The following VWC2L variants were observed in gnomAD, a reference collection of about 807,000 sequenced individuals.
The protein encoded by VWC2L is von Willebrand factor C domain-containing protein 2-like.
A neutral mutation model predicts 21.6 loss-of-function variants in VWC2L; 10 were observed. That is an observed-to-expected ratio of 0.46 (90% confidence interval 0.29 to 0.78). The LOEUF (loss-of-function observed/expected upper bound fraction) is 0.78. Among genes scored for constraint, VWC2L ranks in the 30% least tolerant of loss-of-function variants. The probability of loss-of-function intolerance (pLI) is 0.10; values close to 1 mark genes in which losing one functional copy is unlikely to be tolerated. For synonymous variants in VWC2L, 96 were observed against 94.3 expected, an observed-to-expected ratio of 1.02 and a Z score of -0.10; for missense variants, 209 against 277.1, an observed-to-expected ratio of 0.75 and a Z score of 1.74.
At chr2:214,546,246 G>T (rs908008648) in intron 3 of VWC2L, among the ~76,000 whole-genome samples, 3 of 152,180 alleles carry the variant, frequency 2.0e-5, no homozygotes, top group African/African-American at 7.2e-5. Context: ...GCAGTGTGAA[G>T]GAATTGCTGC....
chr2:214,557,301 A>G (rs1169863712), intron 3 of VWC2L, among the ~76,000 whole-genome samples: 1 of 152,100 alleles, frequency 6.6e-6, no homozygotes, highest in African/African-American at 2.4e-5. Context: ...TCCCCTTATA[A>G]AAGCCATCAA....
At chr2:214,491,205 T>C (rs575066470) in intron 3 of VWC2L, among the ~76,000 whole-genome samples, 106 of 152,302 alleles carry the variant, frequency 7.0e-4, no homozygotes, top group Non-Finnish European at 1.3e-3. Context: ...AATTAGCCCA[T>C]TGCATGGCAA....
rs551368263 is a variant in VWC2L, at chr2:214,528,247, C to T, written c.521-47425C>T. Among the ~76,000 whole-genome samples the T allele has an allele frequency of 2.6e-5, 4 of 152,302 alleles. No individual in the cohort carries two copies. The South Asian group carries it at 8.3e-4, about 32-fold the overall frequency. ...ACAATAGCCTTAGAACTAGCTGGTTCTCCAGCATTTGAATCCCTGCTATGA... is the reference window on the plus strand; with the variant it reads ...ACAATAGCCTTAGAACTAGCTGGTTTTCCAGCATTTGAATCCCTGCTATGA... On this transcript the variant is annotated intron_variant, in intron 3 of 3. Transcript: ENST00000312504.
intron 3 of VWC2L, among the ~76,000 whole-genome samples, chr2:214,526,329 C>T (rs1689337134): frequency 6.6e-6 from 1 of 152,096 alleles, no homozygotes; most frequent in African/African-American, 2.4e-5. Flanking sequence ...TTTAGAGCTA[C>T]ATCACCATGT....
intron 3 of VWC2L, among the ~76,000 whole-genome samples, chr2:214,442,060 C>T (rs568370882): frequency 1.7e-4 from 26 of 151,766 alleles, no homozygotes; most frequent in Admixed American, 5.2e-4. Context: ...TATAGGTGCC[C>T]GCCACCACAC....
intron 3 of VWC2L, among the ~76,000 whole-genome samples, chr2:214,551,254 T>C (rs1476709858): frequency 6.6e-6 from 1 of 152,198 alleles, no homozygotes; most frequent in East Asian, 1.9e-4. Flanking sequence ...GAAGAAAATA[T>C]AAAGGACATT....
intron 3 of VWC2L, among the ~76,000 whole-genome samples, chr2:214,479,395 G>T (rs889228917): frequency 6.6e-6 from 1 of 151,724 alleles, no homozygotes; most frequent in South Asian, 2.1e-4. Context: ...TTGGACTTTT[G>T]GACTATAAAA....
At chr2:214,442,645 C>A (rs975428003) in intron 3 of VWC2L, among the ~76,000 whole-genome samples, 6 of 151,668 alleles carry the variant, frequency 4.0e-5, no homozygotes, top group African/African-American at 1.5e-4. Context: ...TTTTACAAAT[C>A]TATATTTATA....
intron 3 of VWC2L, among the ~76,000 whole-genome samples, chr2:214,454,405 T>C (rs1484267450): frequency 2.0e-5 from 3 of 151,902 alleles, no homozygotes; most frequent in African/African-American, 7.3e-5. Flanking sequence ...TATTAACAGG[T>C]TTTTCATAGA....
At chr2:214,559,668 G>T (rs1391077188) in intron 3 of VWC2L, among the ~76,000 whole-genome samples, 1 of 151,034 alleles carries the variant, frequency 6.6e-6, no homozygotes, top group Non-Finnish European at 1.5e-5. Context: ...GCAGTGCAGT[G>T]GTGTGATCAC....
chr2:214,478,876 G>A (rs1688562806), intron 3 of VWC2L, among the ~76,000 whole-genome samples: 1 of 152,282 alleles, frequency 6.6e-6, no homozygotes, highest in East Asian at 1.9e-4. Context: ...CCCAGGTAGA[G>A]GCCAGCTACC....
chr2:214,443,299 G>A (rs890908321), intron 3 of VWC2L, among the ~76,000 whole-genome samples: 1 of 152,068 alleles, frequency 6.6e-6, no homozygotes. Flanking sequence ...TTCAACTTGG[G>A]AGGCAGAGGT....
At chr2:214,555,174 C>A (rs1689855854) in intron 3 of VWC2L, among the ~76,000 whole-genome samples, 1 of 152,202 alleles carries the variant, frequency 6.6e-6, no homozygotes, top group Non-Finnish European at 1.5e-5. Flanking sequence ...CTACCAATTG[C>A]CATCAGAAAA....
intron 3 of VWC2L, among the ~76,000 whole-genome samples, chr2:214,483,415 CAA>C (rs938333518): frequency 3.8e-5 from 5 of 133,218 alleles, no homozygotes; most frequent in African/African-American, 2.8e-5. Context: ...CTGGCAAAAG[CAA>C]AAAAAAAAAG....
intron 3 of VWC2L, among the ~76,000 whole-genome samples, chr2:214,481,700 A>G (rs149205801): frequency 6.2e-4 from 95 of 152,306 alleles, no homozygotes; most frequent in South Asian, 1.0e-3. Context: ...TAAATTTTAC[A>G]CAAATTCTAT....
At chr2:214,463,870 G>A (rs1703178560) in intron 3 of VWC2L, among the ~76,000 whole-genome samples, 1 of 151,922 alleles carries the variant, frequency 6.6e-6, no homozygotes, top group South Asian at 2.1e-4. Context: ...TCTCCTGTAT[G>A]TATTTTCAAA....
chr2:214,479,705 T>G (rs1362187785), intron 3 of VWC2L, among the ~76,000 whole-genome samples: 1 of 152,112 alleles, frequency 6.6e-6, no homozygotes, highest in East Asian at 1.9e-4. Context: ...TTCAGGAGGC[T>G]GAGGTAGGAG....
chr2:214,559,982 A>T (rs1300103384), intron 3 of VWC2L, among the ~76,000 whole-genome samples: 1 of 152,228 alleles, frequency 6.6e-6, no homozygotes, highest in Non-Finnish European at 1.5e-5. Context: ...CCAGTGCCTG[A>T]AACAATGGCT....
chr2:214,423,267 C>A (rs78221321), intron 2 of VWC2L, among the ~76,000 whole-genome samples: 1 of 151,888 alleles, frequency 6.6e-6, no homozygotes, highest in Non-Finnish European at 1.5e-5. Context: ...TACTTTTGAG[C>A]GCTGACCATA....
Sources: allele counts gnomAD v4.1 joint callset (sites outside exome capture counted in the v4.1 genomes callset), GRCh38; gene constraint gnomAD v4.1.1; transcripts MANE v1.5; gene names NCBI Gene and HGNC (gene_info 2026-07-23, HGNC 2026-07-21).